Variants in SWT1 observed in about 807,000 individuals in gnomAD.
SWT1 encodes transcriptional protein SWT1.
SWT1 carries 33 observed loss-of-function variants against 107.3 expected under a neutral mutation model. The observed-to-expected ratio is 0.31, with a 90% CI of 0.23 to 0.41. The LOEUF (loss-of-function observed/expected upper bound fraction) is 0.41, where lower values mean the gene tolerates loss of function less well. Ranked by LOEUF, SWT1 falls within the 10% of genes least tolerant of loss-of-function variation. The probability of loss-of-function intolerance (pLI) is 1.00; values close to 1 mark genes in which losing one functional copy is unlikely to be tolerated. For missense variants in SWT1, 898 were observed against 1,028.9 expected (o/e 0.87, Z 1.74); for synonymous variants, 345 against 348.3 (o/e 0.99, Z 0.11).
In SWT1 at chr1:185,231,942, C is replaced by T. The variant is rs74733277; in HGVS notation, c.2441+234C>T. 5.5e-3 allele frequency among the ~76,000 whole-genome samples: 839 copies of T among 152,162 alleles called. 34 individuals are homozygous for T. In the East Asian group the frequency reaches 0.093, roughly 17 times the overall value. On this transcript the variant is annotated intron_variant, in intron 16 of 18. Transcript: ENST00000367500. The stretch of plus-strand genomic sequence containing the variant: ...GAATTAGATATATAGGTTGATAACA[C>T]AAAAATACTGTTCTTTGTAAATTAA...
At chr1:185,234,707 C>T (rs558430797) in intron 16 of SWT1, among the ~76,000 whole-genome samples, 22 of 152,062 alleles carry the variant, frequency 1.4e-4, no homozygotes, top group Admixed American at 5.9e-4. Context: ...TTCATAGTGT[C>T]GATGGTCTTT....
At chr1:185,280,733 T>C (rs2102767772) in intron 18 of SWT1, 1 of 256,468 alleles carries the variant, frequency 3.9e-6, no homozygotes, top group Non-Finnish European at 7.8e-6. Context: ...TGGCAGTAGC[T>C]GCCAAACTGG....
chr1:185,240,041 T>C (rs956810534), intron 16 of SWT1, among the ~76,000 whole-genome samples: 4 of 152,088 alleles, frequency 2.6e-5, no homozygotes, highest in East Asian at 1.9e-4. Flanking sequence ...TGCGTGCAGC[T>C]TCAACTTGAA....
intron 5 of SWT1, 29 bp downstream of exon 5, chr1:185,175,142 G>T: frequency 5.0e-6 from 7 of 1,409,172 alleles, no homozygotes; most frequent in South Asian, 3.6e-5. Flanking sequence ...AAGAATATAG[G>T]TTTTAACTGA....
chr1:185,225,067 C>G (rs1659948400), intron 15 of SWT1, among the ~76,000 whole-genome samples: 1 of 151,914 alleles, frequency 6.6e-6, no homozygotes, highest in Admixed American at 6.6e-5. Flanking sequence ...CATATATGGC[C>G]TTTATTGCAT....
chr1:185,213,896 T>G (rs1230981207), intron 13 of SWT1, among the ~76,000 whole-genome samples: 1 of 152,220 alleles, frequency 6.6e-6, no homozygotes, highest in Non-Finnish European at 1.5e-5. Flanking sequence ...GTAGATTTTC[T>G]CACTTTTAAT....
rs567804166 is a variant in SWT1 at position 185,256,530 on chromosome 1, T to G, written c.2442-14793T>G. Among the ~76,000 whole-genome samples the G allele has an allele frequency of 1.5e-4, 22 of 149,844 alleles. No homozygotes were observed. The East Asian group carries it at 3.5e-3, about 24-fold the overall frequency. On this transcript the variant is annotated intron_variant, in intron 16 of 18. Coordinates refer to ENST00000367500, the MANE Select transcript of SWT1 (RefSeq NM_017673.7). ...TGCCTTCTCGCTTCATTTCATTCAT[T>G]TCATCTTCCATTGCTGATACCCTTT...
chr1:185,291,711 T>C lies in SWT1; in HGVS notation c.*908T>C, dbSNP rs917795913. 5.2e-5 allele frequency: 8 copies of C among 152,628 alleles called. No homozygotes were observed. The highest frequency in any genetic ancestry group is 1.9e-4 in the African/African-American group (8 of 41,450). The allele number at this position is 152,628 out of a possible 1,614,324, so 9.5% of individuals were successfully genotyped here. A position where few individuals can be genotyped will look rare whatever the true frequency, so the allele number is the denominator to read the frequency against. ...TAAGATTTGGCTTTTTACTTCCAAA[T>C]TGTTTCTGATATGTACATAAGGTAT... On this transcript the variant is annotated 3_prime_UTR_variant, in exon 19 of 19. Coordinates refer to ENST00000367500, the MANE Select transcript of SWT1 (RefSeq NM_017673.7).
At chr1:185,239,556 GAGA>G (rs1381896763) in intron 16 of SWT1, among the ~76,000 whole-genome samples, 34 of 152,058 alleles carry the variant, frequency 2.2e-4, no homozygotes, top group African/African-American at 7.2e-4. Flanking sequence ...TTTTAGGTAG[GAGA>G]AGAACTTCAA....
chr1:185,279,169 A>C (rs1001495942), intron 18 of SWT1, among the ~76,000 whole-genome samples: 2 of 152,226 alleles, frequency 1.3e-5, no homozygotes, highest in African/African-American at 4.8e-5. Flanking sequence ...TTTACAGATA[A>C]TCCACATTTA....
chr1:185,205,149 C>T (rs1345672486), intron 12 of SWT1, among the ~76,000 whole-genome samples: 1 of 151,946 alleles, frequency 6.6e-6, no homozygotes, highest in Non-Finnish European at 1.5e-5. Context: ...TGAAAAAAAA[C>T]TTGTCTATTT....
chr1:185,166,107 T>A (rs1654548795), intron 2 of SWT1, among the ~76,000 whole-genome samples: 1 of 152,242 alleles, frequency 6.6e-6, no homozygotes, highest in Non-Finnish European at 1.5e-5. Flanking sequence ...ATTCCTGTAC[T>A]AGATTTTGAC....
chr1:185,264,822 A>G (rs558832954), intron 16 of SWT1, among the ~76,000 whole-genome samples: 1 of 152,316 alleles, frequency 6.6e-6, no homozygotes, highest in East Asian at 1.9e-4. Flanking sequence ...TGAAAATTTT[A>G]TGGTGTAGAT....
At position 185,181,962 on chromosome 1, in the gene SWT1, A is replaced by C. The variant is rs1214909156; in HGVS notation, c.1043A>C (p.Glu348Ala). The C allele has an allele frequency of 6.2e-7, 1 of 1,613,862 alleles. No individual in the cohort carries two copies. Among genetic ancestry groups the C allele is most frequent in the Admixed American group, 1.7e-5 (1 of 60,000 alleles). Residue 348 changes from glutamate to alanine, a missense_variant, in exon 7 of 19, where the codon GAG becomes GCG. Glu to Ala is a moderately radical substitution (Grantham distance 107). Transcript: ENST00000367500. ...DADQEMQIVE[E>A]LHAARVGKSV... is the part of the protein sequence containing the mutation. ...ACACTTTAGATGCAGATAGTAGAAG[A>C]GCTTCATGCTGCACGTGTGGGAAAA...
intron 18 of SWT1, among the ~76,000 whole-genome samples, chr1:185,284,889 C>CTTT (rs111492496): frequency 2.1e-5 from 3 of 142,094 alleles, no homozygotes; most frequent in Non-Finnish European, 4.6e-5. Context: ...AGATAAGTGT[C>CTTT]TTTTTTTTTT....
Position 185,167,959 on chromosome 1 carries a change from T to C in SWT1, c.166-381T>C, listed in dbSNP as rs146141453. ...AGGTTATTTGTACATGTTCTACTTC[T>C]CGTCTTTATTATTTTATGTAAAACT... On this transcript the variant is annotated intron_variant, in intron 3 of 18. Transcript: ENST00000367500. Among the ~76,000 whole-genome samples, 204 of 152,372 alleles carry C rather than the reference T, an allele frequency of 1.3e-3. 2 individuals are homozygous for C. The highest frequency in any genetic ancestry group is 4.7e-3 in the African/African-American group (194 of 41,590).
chr1:185,279,832 T>C (rs1664503759), intron 18 of SWT1, among the ~76,000 whole-genome samples: 1 of 151,806 alleles, frequency 6.6e-6, no homozygotes. Context: ...TATAGATGAC[T>C]CCCTTTGGGA....
chr1:185,229,806 T>G (rs572266843), intron 15 of SWT1, among the ~76,000 whole-genome samples: 1 of 152,286 alleles, frequency 6.6e-6, no homozygotes, highest in East Asian at 1.9e-4. Context: ...AATGTAAATA[T>G]TTTGAAATAA....
intron 9 of SWT1, among the ~76,000 whole-genome samples, chr1:185,188,516 C>T (rs1193056393): frequency 3.3e-5 from 5 of 152,300 alleles, no homozygotes; most frequent in African/African-American, 1.2e-4. Flanking sequence ...AATTTAATCA[C>T]ATCTTCCTCA....
Sources: gnomAD v4.1 joint callset for allele counts (sites outside exome capture counted in the v4.1 genomes callset) on GRCh38, gnomAD v4.1.1 for gene constraint, MANE v1.5 for transcripts, NCBI Gene and HGNC (gene_info 2026-07-23, HGNC 2026-07-21) for gene names.